Variants in OLA1 observed in about 807,000 individuals in gnomAD.
OLA1 encodes the protein obg-like ATPase 1.
In OLA1, 14 loss-of-function variants were observed where a neutral mutation model predicts 48.4. The observed-to-expected ratio is 0.29, with a 90% CI of 0.19 to 0.45. The LOEUF (loss-of-function observed/expected upper bound fraction) is 0.45. Among genes scored for constraint, OLA1 ranks in the 20% least tolerant of loss-of-function variants. The pLI is 1.00. For missense variants in OLA1, 325 were observed against 467.1 expected (o/e 0.70, Z 2.80); for synonymous variants, 127 against 150.4 (o/e 0.84, Z 1.14).
intron 4 of OLA1, among the ~76,000 whole-genome samples, chr2:174,183,529 C>G (rs1212381368): frequency 6.6e-6 from 1 of 152,202 alleles, no homozygotes; most frequent in African/African-American, 2.4e-5. Flanking sequence ...GTTCAGTACT[C>G]CCAAATAGCT....
chr2:174,203,223 A>C (rs1433175400), intron 4 of OLA1, among the ~76,000 whole-genome samples: 1 of 152,220 alleles, frequency 6.6e-6, no homozygotes, highest in Non-Finnish European at 1.5e-5. Context: ...AAATGAAGCA[A>C]ACTAAAATTC....
At chr2:174,211,180 A>AACATACAC (rs1349231672) in intron 4 of OLA1, among the ~76,000 whole-genome samples, 1 of 148,666 alleles carries the variant, frequency 6.7e-6, no homozygotes, top group Non-Finnish European at 1.5e-5. Flanking sequence ...TCCTCCCCAC[A>AACATACAC]ACACACACAC....
chr2:174,199,165 T>C (rs1403882914), intron 4 of OLA1, among the ~76,000 whole-genome samples: 1 of 152,228 alleles, frequency 6.6e-6, no homozygotes, highest in East Asian at 1.9e-4. Flanking sequence ...CAAGCTGAAC[T>C]GGCCACTTTT....
At chr2:174,104,464 T>C (rs564117201) in intron 7 of OLA1, among the ~76,000 whole-genome samples, 1 of 152,096 alleles carries the variant, frequency 6.6e-6, no homozygotes, top group Non-Finnish European at 1.5e-5. Context: ...TAGAATATTC[T>C]TTGGTTGTAA....
chr2:174,158,240 G>C (rs1036820735), intron 4 of OLA1, among the ~76,000 whole-genome samples: 1 of 152,208 alleles, frequency 6.6e-6, no homozygotes, highest in African/African-American at 2.4e-5. Flanking sequence ...CCAGGACCTT[G>C]TGACACCCCT....
In OLA1 at chr2:174,129,558, A is replaced by C. The variant is rs1013411727; in HGVS notation, c.550-5883T>G. Among the ~76,000 whole-genome samples the C allele has an allele frequency of 8.6e-5, 13 of 151,266 alleles. 1 individual carries two copies. ...ATTTATGGTTTTGAAACTATATATA[A>C]TATATATAAATAGACATACTCAAAT... is the stretch of plus-strand genomic sequence containing the variant. On this transcript the variant is annotated intron_variant, in intron 5 of 10. Transcript: ENST00000284719.
chr2:174,123,446 G>GA, intron 6 of OLA1, 149 bp downstream of exon 6: 2 of 603,150 alleles, frequency 3.3e-6, no homozygotes, highest in South Asian at 2.6e-5. Context: ...TGGGGGAAAA[G>GA]AAAAAAATAA....
At chr2:174,235,161 G>A (rs1392831526) in intron 2 of OLA1, among the ~76,000 whole-genome samples, 2 of 151,770 alleles carry the variant, frequency 1.3e-5, no homozygotes, top group Non-Finnish European at 2.9e-5. Context: ...TTTGTCTTGG[G>A]AAAAAAATAA....
At chr2:174,117,556 A>C (rs1479479289) in intron 7 of OLA1, among the ~76,000 whole-genome samples, 1 of 152,192 alleles carries the variant, frequency 6.6e-6, no homozygotes, top group Non-Finnish European at 1.5e-5. Context: ...GCTAGGCTTC[A>C]AGTCTATTTA....
rs116733058 is a variant in OLA1, at chr2:174,103,169, A to G, written c.728+20011T>C. ...ACTACTTCAGGAGATGAATGGAGAT[A>G]TATAATCATGTGTACATGTGTATCA... On this transcript the variant is annotated intron_variant, in intron 7 of 10. Transcript: ENST00000284719. 9.3e-3 allele frequency among the ~76,000 whole-genome samples: 1,401 copies of G among 149,886 alleles called. 21 individuals are homozygous for G. The highest frequency in any genetic ancestry group is 0.033 in the African/African-American group (1,324 of 40,734).
Position 174,074,734 on chromosome 2 carries a change from C to T in OLA1, c.*692G>A, listed in dbSNP as rs1274471995. On this transcript the variant is annotated 3_prime_UTR_variant, in exon 11 of 11. Transcript: ENST00000284719. ...GAATTTTCTTCTTTGTGGTCAGTCA[C>T]CTATCTCATATCCCTCATAATATCA... is the stretch of plus-strand genomic sequence containing the variant. 1 of 152,368 alleles carries T rather than the reference C, an allele frequency of 6.6e-6. No individual in the cohort carries two copies. Among genetic ancestry groups the T allele is most frequent in the Non-Finnish European group, 1.5e-5 (1 of 68,014 alleles). 9.4% of individuals were successfully genotyped at this position (152,368 alleles called of 1,614,324 possible).
chr2:174,202,980 G>A (rs1387788894), intron 4 of OLA1, among the ~76,000 whole-genome samples: 2 of 151,966 alleles, frequency 1.3e-5, no homozygotes, highest in Non-Finnish European at 2.9e-5. Context: ...TTGTTCAAGG[G>A]TCAACTGTAC....
rs1228274857 is a variant in OLA1 at position 174,075,198 on chromosome 2, G to A, written c.*228C>T. ...TGAAAAGCTTCTACAATTTGGAGTA[G>A]GGTCTTAATCACGTGAAAAGCAAAG... On this transcript the variant is annotated 3_prime_UTR_variant, in exon 11 of 11. Coordinates refer to ENST00000284719, the MANE Select transcript of OLA1 (RefSeq NM_013341.5). The A allele has an allele frequency of 7.1e-6, 3 of 423,464 alleles. No homozygotes were observed. Among genetic ancestry groups the A allele is most frequent in the East Asian group, 9.0e-5 (2 of 22,134 alleles). 26.2% of individuals were successfully genotyped at this position (423,464 alleles called of 1,614,324 possible).
In OLA1 at chr2:174,197,064, G is replaced by T. The variant is rs955165898; in HGVS notation, c.373+25969C>A. 6.6e-5 allele frequency among the ~76,000 whole-genome samples: 10 copies of T among 152,288 alleles called. No homozygotes were observed. In the South Asian group the frequency reaches 1.0e-3, roughly 16 times the overall value. ...TATTAACCCATTTACACCAGAGGTG[G>T]CAAGTTGTTTTTTTGTGTGAAAAAT... On this transcript the variant is annotated intron_variant, in intron 4 of 10. Transcript: ENST00000284719.
intron 5 of OLA1, among the ~76,000 whole-genome samples, chr2:174,136,190 C>A (rs547215771): frequency 6.6e-6 from 1 of 152,038 alleles, no homozygotes; most frequent in African/African-American, 2.4e-5. Context: ...ATGAAAACAA[C>A]GAAGTTTGCC....
At chr2:174,075,917 A>C (rs936075346) in intron 10 of OLA1, among the ~76,000 whole-genome samples, 7 of 152,244 alleles carry the variant, frequency 4.6e-5, no homozygotes, top group African/African-American at 1.7e-4. Flanking sequence ...AACTAGTTAA[A>C]AGCTGCTTTA....
At chr2:174,149,845 T>G (rs1686703611) in intron 4 of OLA1, among the ~76,000 whole-genome samples, 1 of 152,228 alleles carries the variant, frequency 6.6e-6, no homozygotes, top group Non-Finnish European at 1.5e-5. Context: ...ACACTCTGTT[T>G]AGGATGCTGA....
At chr2:174,213,590 C>T (rs1257203939) in intron 4 of OLA1, among the ~76,000 whole-genome samples, 1 of 152,060 alleles carries the variant, frequency 6.6e-6, no homozygotes, top group African/African-American at 2.4e-5. Context: ...CTTCCAAAAA[C>T]TGGCGAAGTC....
intron 4 of OLA1, among the ~76,000 whole-genome samples, chr2:174,215,918 A>G (rs1465891676): frequency 2.0e-5 from 3 of 152,196 alleles, no homozygotes; most frequent in Admixed American, 6.5e-5. Context: ...TCATTTCTCC[A>G]GTAAATCGTG....
Sources: allele counts gnomAD v4.1 joint callset (sites outside exome capture counted in the v4.1 genomes callset), GRCh38; gene constraint gnomAD v4.1.1; transcripts MANE v1.5; gene names NCBI Gene and HGNC (gene_info 2026-07-23, HGNC 2026-07-21).